HDAC4: variants seen among roughly 807,000 people sequenced by gnomAD.
HDAC4 encodes histone deacetylase A.
HDAC4 carries 16 observed loss-of-function variants against 135.1 expected under a neutral mutation model. That is an observed-to-expected ratio of 0.12 (90% CI 0.08 to 0.18). The LOEUF is 0.18. HDAC4 is among the 10% of genes least tolerant of loss of function. The pLI is 1.00. For missense variants in HDAC4, 1,143 were observed against 1,511.8 expected (o/e 0.76, Z 4.05); for synonymous variants, 685 against 653.4 (o/e 1.05, Z -0.74).
At chr2:239,083,755 G>A (rs904757956) in intron 20 of HDAC4, among the ~76,000 whole-genome samples, 3 of 152,198 alleles carry the variant, frequency 2.0e-5, no homozygotes, top group East Asian at 1.9e-4. Context: ...AGGAAGGCAC[G>A]GGCTTCACTG....
chr2:239,272,875 G>A lies in HDAC4; in HGVS notation c.23-36211C>T, dbSNP rs117138507. ...GACAGGCATCTACCCTGGCCCTCTCGTCCCAAGCTGTCCCTATATTCCTGC... is the reference window on the plus strand; with the variant it reads ...GACAGGCATCTACCCTGGCCCTCTCATCCCAAGCTGTCCCTATATTCCTGC... On this transcript the variant is annotated intron_variant, in intron 2 of 26. Coordinates refer to ENST00000543185, the MANE Select transcript of HDAC4 (RefSeq NM_001378414.1). Among the ~76,000 whole-genome samples, 11 of 152,248 alleles carry A rather than the reference G, an allele frequency of 7.2e-5. No homozygotes were observed. In the East Asian group the frequency reaches 1.5e-3, roughly 21 times the overall value.
chr2:239,130,485 C>T (rs1236465552), intron 11 of HDAC4, among the ~76,000 whole-genome samples: 1 of 151,966 alleles, frequency 6.6e-6, no homozygotes, highest in African/African-American at 2.4e-5. Flanking sequence ...TGCTCTGTTT[C>T]AGGATGCTAG....
chr2:239,376,178 G>A (rs1285163224), intron 1 of HDAC4, among the ~76,000 whole-genome samples: 1 of 150,812 alleles, frequency 6.6e-6, no homozygotes, highest in Non-Finnish European at 1.5e-5. Flanking sequence ...GGCAGGTGCT[G>A]TGTGCTCACA....
intron 1 of HDAC4, among the ~76,000 whole-genome samples, chr2:239,384,801 A>G (rs997602308): frequency 6.6e-6 from 1 of 152,176 alleles, no homozygotes; most frequent in South Asian, 2.1e-4. Flanking sequence ...ATTCAAACAC[A>G]TACAAAGATG....
chr2:239,232,092 G>A (rs2153166546), intron 3 of HDAC4, among the ~76,000 whole-genome samples: 1 of 152,320 alleles, frequency 6.6e-6, no homozygotes, highest in South Asian at 2.1e-4. Flanking sequence ...CGAGGCTGCT[G>A]AGCGCCTGCA....
intron 12 of HDAC4, among the ~76,000 whole-genome samples, chr2:239,122,162 G>A (rs763943888): frequency 4.1e-4 from 63 of 152,186 alleles, no homozygotes; most frequent in Non-Finnish European, 7.9e-4. Flanking sequence ...ATGAGTCCAA[G>A]TTTTCATATT....
intron 12 of HDAC4, among the ~76,000 whole-genome samples, chr2:239,121,887 G>A (rs2039726195): frequency 1.3e-5 from 2 of 152,222 alleles, no homozygotes; most frequent in South Asian, 2.1e-4. Context: ...CTCACTGGCT[G>A]GGCTGTGGGC....
intron 2 of HDAC4, among the ~76,000 whole-genome samples, chr2:239,250,178 A>G (rs187882424): frequency 4.6e-4 from 70 of 152,386 alleles, no homozygotes; most frequent in Non-Finnish European, 4.7e-4. Flanking sequence ...CTTTTATTCC[A>G]TGACTCTGAC....
In HDAC4 at chr2:239,308,285, ACTTT is replaced by A. The variant is rs1428210699; in HGVS notation, c.22+44389_22+44392del. On this transcript the variant is annotated intron_variant, in intron 2 of 26. Coordinates refer to ENST00000543185, the MANE Select transcript of HDAC4 (RefSeq NM_001378414.1). This position sits in a 1 kb window ranked among gnomAD's most constrained non-coding sequence, Gnocchi z 4.2. ...TTGGGGACACGAGGGAGCCAGGGTC[ACTTT>A]CTTCCTCATCAAGCTGGCCCCCTGG... 6.6e-6 allele frequency among the ~76,000 whole-genome samples: 1 copy of A among 152,154 alleles called. No homozygotes were observed. The highest frequency in any genetic ancestry group is 1.5e-5 in the Non-Finnish European group (1 of 68,024).
rs183166492 is a variant in HDAC4, at chr2:239,245,236, C to T, written c.23-8572G>A. On this transcript the variant is annotated intron_variant, in intron 2 of 26. Transcript: ENST00000543185. The surrounding 1 kb of genome is among the most constrained non-coding windows in gnomAD (Gnocchi z 4.4). ...AAGAATCAAAACTAGCTGTAGCTGC[C>T]GGCTTACAGGAAGTACGGGTTTGGC... Among the ~76,000 whole-genome samples the T allele has an allele frequency of 2.8e-4, 43 of 152,244 alleles. No individual in the cohort carries two copies. The highest frequency in any genetic ancestry group is 5.8e-4 in the African/African-American group (24 of 41,534).
chr2:239,151,331 A>C (rs79894148), intron 7 of HDAC4, among the ~76,000 whole-genome samples: 13,160 of 152,308 alleles, frequency 0.086, 619 homozygotes, highest in East Asian at 0.18. Context: ...GAGGTCATCT[A>C]GTCTGCCCAG....
At chr2:239,058,421 C>A (rs1330357316) in intron 24 of HDAC4, among the ~76,000 whole-genome samples, 1 of 152,170 alleles carries the variant, frequency 6.6e-6, no homozygotes, top group African/African-American at 2.4e-5. Flanking sequence ...CCCACGTTTC[C>A]ACTTAAAGCA....
chr2:239,276,617 TCCTGGACATTGCCTGCTG>T (rs1365417960), intron 2 of HDAC4, among the ~76,000 whole-genome samples: 2 of 152,140 alleles, frequency 1.3e-5, no homozygotes, highest in Non-Finnish European at 2.9e-5. Flanking sequence ...ACAGGCCACT[TCCTGGACATTGCCTGCTG>T]CCTGGACACT....
At chr2:239,195,135 C>T (rs138796533) in intron 3 of HDAC4, among the ~76,000 whole-genome samples, 4 of 152,294 alleles carry the variant, frequency 2.6e-5, no homozygotes, top group African/African-American at 4.8e-5. Context: ...AGAATGCTGT[C>T]GCTGTTCTCA....
chr2:239,207,403 A>G (rs2046109017), intron 3 of HDAC4, among the ~76,000 whole-genome samples: 1 of 152,180 alleles, frequency 6.6e-6, no homozygotes, highest in South Asian at 2.1e-4. Context: ...ATGAAATGTA[A>G]TCATTACATA....
chr2:239,378,710 GGGAACCAATAACCCCA>G (rs1249081319), intron 1 of HDAC4, among the ~76,000 whole-genome samples: 5 of 143,502 alleles, frequency 3.5e-5, no homozygotes, highest in Non-Finnish European at 6.4e-5. Flanking sequence ...CAATAACCCC[GGGAACCAATAACCCCA>G]GGAACCAATG....
intron 2 of HDAC4, among the ~76,000 whole-genome samples, chr2:239,329,897 C>A (rs1002852067): frequency 2.6e-5 from 4 of 151,956 alleles, no homozygotes; most frequent in Non-Finnish European, 5.9e-5. Context: ...TAGTGGGAGG[C>A]GGCCACGGGT....
At chr2:239,175,806 T>C (rs921383931) in intron 5 of HDAC4, among the ~76,000 whole-genome samples, 19 of 152,362 alleles carry the variant, frequency 1.2e-4, no homozygotes, top group African/African-American at 4.6e-4. Context: ...TTTAAGTCTA[T>C]TAGGAATCCT....
intron 4 of HDAC4, among the ~76,000 whole-genome samples, chr2:239,185,683 T>C (rs2044506313): frequency 6.6e-6 from 1 of 152,116 alleles, no homozygotes; most frequent in South Asian, 2.1e-4. Context: ...CCTCTCTGGG[T>C]ATCCATGTTT....
Sources: allele counts gnomAD v4.1 joint callset (sites outside exome capture counted in the v4.1 genomes callset), GRCh38; gene constraint gnomAD v4.1.1; non-coding constraint Gnocchi (gnomAD v3.1); transcripts MANE v1.5; gene names NCBI Gene and HGNC (gene_info 2026-07-23, HGNC 2026-07-21).